The following PCDHGA2 variants were observed in gnomAD, a reference collection of about 807,000 sequenced individuals.
PCDHGA2 encodes the protein protocadherin gamma-A2.
Under a neutral mutation model 59.2 loss-of-function variants are expected in PCDHGA2, and 40 were observed. That is an observed-to-expected ratio of 0.68 (90% CI 0.52 to 0.88). The LOEUF is 0.88. PCDHGA2 is among the 40% of genes least tolerant of loss of function. The pLI, the probability that PCDHGA2 is intolerant of heterozygous loss-of-function variation, is 0.00. For missense variants in PCDHGA2, 1,226 were observed against 1,204.0 expected (o/e 1.02, Z -0.27); for synonymous variants, 560 against 526.0 (o/e 1.06, Z -0.89).
intron 1 of PCDHGA2, chr5:141,389,025 A>C: frequency 6.2e-7 from 1 of 1,613,992 alleles, no homozygotes; most frequent in Non-Finnish European, 8.5e-7. Flanking sequence ...TGGAGAAGTG[A>C]CTTGTAAATT....
At chr5:141,403,831 G>T (rs1207086715) in intron 1 of PCDHGA2, 1 of 1,613,760 alleles carries the variant, frequency 6.2e-7, no homozygotes. Context: ...TGCTATTCCA[G>T]CTTAATGAAA....
chr5:141,393,724 C>T (rs959974182), intron 1 of PCDHGA2: 1 of 1,613,570 alleles, frequency 6.2e-7, no homozygotes, highest in Non-Finnish European at 8.5e-7. Context: ...ATATCAATAG[C>T]AAAAAGTCTA....
At chr5:141,400,116 C>T in intron 1 of PCDHGA2, 2 of 1,614,086 alleles carry the variant, frequency 1.2e-6, no homozygotes, top group Non-Finnish European at 1.7e-6. Context: ...TTGCTGACAG[C>T]TTGCAGGAGG....
chr5:141,448,786 A>C (rs1354591718), intron 1 of PCDHGA2, among the ~76,000 whole-genome samples: 1 of 148,848 alleles, frequency 6.7e-6, no homozygotes, highest in African/African-American at 2.5e-5. Flanking sequence ...TAAAAATACA[A>C]AAAAAAAAAT....
At chr5:141,444,725 T>C (rs1178418239) in intron 1 of PCDHGA2, among the ~76,000 whole-genome samples, 1 of 152,370 alleles carries the variant, frequency 6.6e-6, no homozygotes, top group East Asian at 1.9e-4. Flanking sequence ...TTGGTGCCTT[T>C]GTTGAAAGTC....
intron 1 of PCDHGA2, among the ~76,000 whole-genome samples, chr5:141,348,336 G>A (rs1758099734): frequency 6.6e-6 from 1 of 152,280 alleles, no homozygotes; most frequent in African/African-American, 2.4e-5. Context: ...AAGGCCCATA[G>A]CCAGGGGAGG....
At position 141,409,894 on chromosome 5, in the gene PCDHGA2, C is replaced by A. The variant is rs1440813020; in HGVS notation, c.2424+68499C>A. The A allele has an allele frequency of 2.5e-6, 4 of 1,613,196 alleles. No homozygotes were observed. In the Admixed American group the frequency reaches 5.0e-5, roughly 20 times the overall value. ...ATGACAACGCACCGCGGGTGCTGTACCCAGCTCTGGGTCCTGACGGCTCCG... is the reference window on the plus strand; with the variant it reads ...ATGACAACGCACCGCGGGTGCTGTAACCAGCTCTGGGTCCTGACGGCTCCG... On this transcript the variant is annotated intron_variant, in intron 1 of 3. Transcript: ENST00000394576.
intron 2 of PCDHGA2, among the ~76,000 whole-genome samples, chr5:141,502,989 G>A (rs140974023): frequency 0.024 from 3,652 of 150,590 alleles, 56 homozygotes; most frequent in East Asian, 0.043. Context: ...GATTACAGGC[G>A]TGTGCCACCA....
intron 1 of PCDHGA2, among the ~76,000 whole-genome samples, chr5:141,475,625 G>C (rs1172186188): frequency 2.0e-5 from 3 of 152,204 alleles, no homozygotes; most frequent in African/African-American, 7.2e-5. Flanking sequence ...GGTTTGGTTC[G>C]ATCCCCTTTC....
intron 1 of PCDHGA2, chr5:141,423,750 TGGGG>T: frequency 7.0e-5 from 20 of 287,406 alleles, no homozygotes; most frequent in Non-Finnish European, 9.0e-5. Context: ...GAAAACTGTT[TGGGG>T]GGGGGGTGGG....
chr5:141,465,801 C>T (rs1380215288), intron 1 of PCDHGA2, among the ~76,000 whole-genome samples: 2 of 151,400 alleles, frequency 1.3e-5, no homozygotes, highest in Non-Finnish European at 2.9e-5. Context: ...TTAAGAAACC[C>T]TTCAGGATCT....
intron 1 of PCDHGA2, among the ~76,000 whole-genome samples, chr5:141,368,024 A>G (rs948491194): frequency 6.6e-6 from 1 of 152,204 alleles, no homozygotes; most frequent in Admixed American, 6.5e-5. Context: ...TGTGCCTCAA[A>G]TTCCAGGAGG....
chr5:141,419,851 C>T, intron 1 of PCDHGA2: 1 of 1,614,062 alleles, frequency 6.2e-7, no homozygotes, highest in Non-Finnish European at 8.5e-7. Context: ...ACCTGGTGTT[C>T]GCAGATAGCT....
At chr5:141,405,246 A>G (rs1163477660) in intron 1 of PCDHGA2, 10 of 1,614,126 alleles carry the variant, frequency 6.2e-6, no homozygotes, top group Non-Finnish European at 8.5e-6. Flanking sequence ...GACTCAAGGA[A>G]GAGTCACCTG....
At chr5:141,410,445 T>A in intron 1 of PCDHGA2, 1 of 1,614,060 alleles carries the variant, frequency 6.2e-7, no homozygotes. Flanking sequence ...GAGGGGACTT[T>A]GCCTTATTCT....
Position 141,339,485 on chromosome 5 carries a change from C to G in PCDHGA2, c.514C>G (p.Leu172Val), listed in dbSNP as rs1367659108. Residue 172 changes from leucine (L) to valine (V), a missense_variant, in exon 1 of 4, where the codon CTC becomes GTC. Physicochemically the swap from Leu to Val is conservative, Grantham distance 32. Transcript: ENST00000394576. Reference protein sequence around the residue: ...VGENALQKYALNPNDHFSLDV... With the variant: ...VGENALQKYAVNPNDHFSLDV... The stretch of plus-strand genomic sequence containing the variant: ...TGAGAACGCCCTTCAGAAGTACGCA[C>G]TCAACCCAAATGACCACTTCTCCCT... 6.2e-7 allele frequency: 1 copy of G among 1,614,214 alleles called. No homozygotes were observed. The highest frequency in any genetic ancestry group is 1.1e-5 in the South Asian group (1 of 91,074).
intron 1 of PCDHGA2, among the ~76,000 whole-genome samples, chr5:141,447,744 T>G (rs1020767891): frequency 3.4e-4 from 51 of 152,206 alleles, no homozygotes; most frequent in African/African-American, 1.2e-3. Context: ...CTTAAGAGTC[T>G]TGCATGTGAC....
At chr5:141,427,951 A>G in intron 1 of PCDHGA2, 1 of 1,586,612 alleles carries the variant, frequency 6.3e-7, no homozygotes, top group Non-Finnish European at 8.6e-7. Flanking sequence ...CTCAATGACA[A>G]TGTGCCGCGG....
At chr5:141,459,814 T>A (rs757306281) in intron 1 of PCDHGA2, among the ~76,000 whole-genome samples, 2 of 152,256 alleles carry the variant, frequency 1.3e-5, no homozygotes, top group African/African-American at 4.8e-5. Context: ...CTAGAGACAC[T>A]GAGCAACTTT....
Sources: allele counts gnomAD v4.1 joint callset (sites outside exome capture counted in the v4.1 genomes callset), GRCh38; gene constraint gnomAD v4.1.1; transcripts MANE v1.5; gene names NCBI Gene and HGNC (gene_info 2026-07-23, HGNC 2026-07-21).